The following MTRFR variants were observed in gnomAD, a reference collection of about 807,000 sequenced individuals.
The protein encoded by MTRFR is probable peptide chain release factor C12orf65, mitochondrial.
A neutral mutation model predicts 11.9 loss-of-function variants in MTRFR; 10 were observed. That is an observed-to-expected ratio of 0.84 (90% CI 0.52 to 1.42). The LOEUF (loss-of-function observed/expected upper bound fraction) is 1.42. Among genes scored for constraint, MTRFR ranks in the 40% most tolerant of loss-of-function variants. The pLI, the probability that MTRFR is intolerant of heterozygous loss-of-function variation, is 0.00. For missense variants in MTRFR, 196 were observed against 197.9 expected, an observed-to-expected ratio of 0.99 and a Z score of 0.06; for synonymous variants, 77 against 79.1, an observed-to-expected ratio of 0.97 and a Z score of 0.14.
At chr12:123,252,227 G>T (rs1403445355) in intron 1 of MTRFR, 1 of 152,126 alleles carries the variant, frequency 6.6e-6, no homozygotes. Context: ...TGACCTTAGG[G>T]AGTTCAAGAC....
intron 2 of MTRFR, 51 bp from the exon 3 acceptor site, chr12:123,256,762 C>A: frequency 1.4e-6 from 2 of 1,402,690 alleles, no homozygotes; most frequent in Non-Finnish European, 1.0e-6. Flanking sequence ...GAGGTCCTGT[C>A]CATTTTTAAC....
chr12:123,238,580 G>A (rs1175640632), intron 1 of MTRFR, among the ~76,000 whole-genome samples: 1 of 152,030 alleles, frequency 6.6e-6, no homozygotes, highest in African/African-American at 2.4e-5. Context: ...AGACCAGACT[G>A]GGCAACATGA....
chr12:123,252,936 T>TA (rs1279355554), intron 1 of MTRFR, among the ~76,000 whole-genome samples: 1 of 152,090 alleles, frequency 6.6e-6, no homozygotes, highest in African/African-American at 2.4e-5. Context: ...AAAAATAAAA[T>TA]AGACTCTCAT....
intron 1 of MTRFR, chr12:123,248,642 C>T (rs947932348): frequency 6.6e-6 from 1 of 152,244 alleles, no homozygotes; most frequent in Non-Finnish European, 1.5e-5. Flanking sequence ...AAAGGCAGCA[C>T]AGACCCAAGG....
chr12:123,233,515 T>TC lies in MTRFR; in HGVS notation c.-44dup, dbSNP rs1212379525. 1 of 152,040 alleles carries TC rather than the reference T, an allele frequency of 6.6e-6. No individual in the cohort carries two copies. The highest frequency in any genetic ancestry group is 2.4e-5 in the African/African-American group (1 of 41,358). 9.4% of individuals were successfully genotyped at this position (152,040 alleles called of 1,614,324 possible). A position where few individuals can be genotyped will look rare whatever the true frequency, so the allele number is the denominator to read the frequency against. On this transcript the variant is annotated 5_prime_UTR_variant, in exon 1 of 3. Coordinates refer to ENST00000253233, the MANE Select transcript of MTRFR (RefSeq NM_152269.5). ...ATCCCTAGAACGTTGAGGGCACGAG[T>TC]CGGGTCCTGAGACCAGGTAAGCATC...
chr12:123,255,525 T>C (rs1456965178), intron 2 of MTRFR, among the ~76,000 whole-genome samples: 3 of 152,140 alleles, frequency 2.0e-5, no homozygotes, highest in African/African-American at 7.2e-5. Context: ...GGTGCAATCA[T>C]GGCTCAGTAT....
At position 123,256,885 on chromosome 12, in the gene MTRFR, T is replaced by C; in HGVS notation, c.355T>C (p.Phe119Leu). ...RKILQEKVDV[F>L]YNGENSPVHK... Reference sequence around the variant, plus strand: ...AATCCTACAAGAGAAAGTAGATGTTTTCTACAATGGTGAAAACAGTCCTGT... The same window carrying C: ...AATCCTACAAGAGAAAGTAGATGTTCTCTACAATGGTGAAAACAGTCCTGT... Residue 119 changes from phenylalanine (F) to leucine (L), a missense_variant, in exon 3 of 3, where the codon TTC becomes CTC. By Grantham distance (22) the Phe-to-Leu change is conservative. Transcript: ENST00000253233. 1 of 1,613,978 alleles carries C rather than the reference T, an allele frequency of 6.2e-7. No homozygotes were observed. The highest frequency in any genetic ancestry group is 8.5e-7 in the Non-Finnish European group (1 of 1,179,918).
intron 1 of MTRFR, among the ~76,000 whole-genome samples, chr12:123,243,143 T>C (rs1196916456): frequency 6.6e-6 from 1 of 152,136 alleles, no homozygotes; most frequent in Non-Finnish European, 1.5e-5. Context: ...ACAAAACCAG[T>C]TTTTAAAGCA....
chr12:123,254,027 A>G, intron 2 of MTRFR, 71 bp downstream of exon 2: 1 of 1,576,130 alleles, frequency 6.3e-7, no homozygotes, highest in Non-Finnish European at 8.7e-7. Context: ...GATTTCTCCC[A>G]AGTGTGAATG....
At chr12:123,251,705 A>G (rs757828476) in intron 1 of MTRFR, 4 of 171,278 alleles carry the variant, frequency 2.3e-5, no homozygotes, top group Non-Finnish European at 4.8e-5. Context: ...CGGGCCCTGC[A>G]GGAGCAATCC....
In MTRFR at chr12:123,244,930, ATTTTTTTT is replaced by A. The variant is rs544105176; in HGVS notation, c.-28-8694_-28-8687del. On this transcript the variant is annotated intron_variant, in intron 1 of 2. Transcript: ENST00000253233. Reference sequence around the variant, plus strand: ...ACAGGTATGAGCCACCGCACCCGGCATTTTTTTTTTTTTTTTTTTTTTTTTTTTTTAGA... The same window carrying A: ...ACAGGTATGAGCCACCGCACCCGGCATTTTTTTTTTTTTTTTTTTTTTAGA... 6.6e-3 allele frequency among the ~76,000 whole-genome samples: 429 copies of A among 65,088 alleles called. 16 individuals carry two copies. Among genetic ancestry groups the A allele is most frequent in the Non-Finnish European group, 8.6e-3 (347 of 40,466 alleles). 42.7% of individuals were successfully genotyped at this position (65,088 alleles called of 152,430 possible).
chr12:123,241,391 G>A (rs896108533), intron 1 of MTRFR, among the ~76,000 whole-genome samples: 15 of 152,082 alleles, frequency 9.9e-5, no homozygotes, highest in Admixed American at 2.0e-4. Context: ...AGGCTGGAGC[G>A]CAATGGCGTG....
At chr12:123,233,131 T>C (rs941035389), upstream of MTRFR, 1 of 122,278 alleles carries the variant, frequency 8.2e-6, no homozygotes, top group Non-Finnish European at 1.9e-5. Flanking sequence ...CTCGCGACCG[T>C]TACCCGAGGG....
chr12:123,237,061 G>C lies in MTRFR; in HGVS notation c.-29+3530G>C, dbSNP rs182029064. Among the ~76,000 whole-genome samples, 5 of 152,162 alleles carry C rather than the reference G, an allele frequency of 3.3e-5. No individual in the cohort carries two copies. In the East Asian group the frequency reaches 9.6e-4, roughly 29 times the overall value. On this transcript the variant is annotated intron_variant, in intron 1 of 2. Coordinates refer to ENST00000253233, the MANE Select transcript of MTRFR (RefSeq NM_152269.5). ...GATTGCGCCACTGCAGTCCAGGCTG[G>C]GTGACAGAGTGAGACTCCGGCTAAA...
At chr12:123,255,373 C>T (rs2048172036) in intron 2 of MTRFR, among the ~76,000 whole-genome samples, 1 of 152,200 alleles carries the variant, frequency 6.6e-6, no homozygotes, top group Non-Finnish European at 1.5e-5. Context: ...ATTCTGAAAC[C>T]TGAGAGTTAA....
intron 1 of MTRFR, among the ~76,000 whole-genome samples, chr12:123,247,203 T>G (rs1301343953): frequency 6.6e-6 from 1 of 152,170 alleles, no homozygotes; most frequent in Non-Finnish European, 1.5e-5. Flanking sequence ...AATCCATTCT[T>G]TGTTGACTTT....
At chr12:123,239,814 C>G (rs1234495294) in intron 1 of MTRFR, among the ~76,000 whole-genome samples, 1 of 152,110 alleles carries the variant, frequency 6.6e-6, no homozygotes, top group African/African-American at 2.4e-5. Flanking sequence ...CTCCTTGTTT[C>G]CATGTCACCA....
chr12:123,241,807 C>A (rs1010741771), intron 1 of MTRFR, among the ~76,000 whole-genome samples: 9 of 152,200 alleles, frequency 5.9e-5, no homozygotes, highest in African/African-American at 2.2e-4. Flanking sequence ...GCCATCCCTG[C>A]AGATAGTCTG....
At chr12:123,232,988 C>T (rs1343478982), upstream of MTRFR, 1 of 152,428 alleles carries the variant, frequency 6.6e-6, no homozygotes, top group Non-Finnish European at 1.5e-5. Context: ...CATCACCACA[C>T]TCAAGGGGCC....
Sources: allele counts gnomAD v4.1 joint callset (sites outside exome capture counted in the v4.1 genomes callset), GRCh38; gene constraint gnomAD v4.1.1; transcripts MANE v1.5; gene names NCBI Gene and HGNC (gene_info 2026-07-23, HGNC 2026-07-21).